C1GALT1: variants seen among roughly 807,000 people sequenced by gnomAD.
The protein encoded by C1GALT1 is core 1 synthase, glycoprotein-N-acetylgalactosamine 3-beta-galactosyltransferase 1.
A neutral mutation model predicts 31.0 loss-of-function variants in C1GALT1; 11 were observed. The observed-to-expected ratio is 0.36, with a 90% CI of 0.22 to 0.59. C1GALT1 has a LOEUF of 0.59. Among genes scored for constraint, C1GALT1 ranks in the 20% least tolerant of loss-of-function variants. The pLI, the probability that C1GALT1 is intolerant of heterozygous loss-of-function variation, is 0.79. For missense variants in C1GALT1, 424 were observed against 425.2 expected (o/e 1.00, Z 0.03); for synonymous variants, 175 against 143.6 (o/e 1.22, Z -1.56).
chr7:7,227,207 A>G (rs1782805378), intron 1 of C1GALT1, among the ~76,000 whole-genome samples: 1 of 152,216 alleles, frequency 6.6e-6, no homozygotes, highest in African/African-American at 2.4e-5. Context: ...CGAGATGACT[A>G]ATATAATTCC....
At position 7,243,750 on chromosome 7, in the gene C1GALT1, G is replaced by A; in HGVS notation, c.*23G>A. Reference sequence around the variant, plus strand: ...TGAAAGAAAATCATGAATGAACAAAGGTAATATGTCTAGCACTGCACTGAA... The same window carrying A: ...TGAAAGAAAATCATGAATGAACAAAAGTAATATGTCTAGCACTGCACTGAA... On this transcript the variant is annotated 3_prime_UTR_variant, in exon 4 of 4. Transcript: ENST00000436587. 6.5e-7 allele frequency: 1 copy of A among 1,541,110 alleles called. No homozygotes were observed. The highest frequency in any genetic ancestry group is 1.2e-5 in the South Asian group (1 of 85,188).
In C1GALT1 at chr7:7,245,701, T is replaced by C. The variant is rs549687673; in HGVS notation, c.*1974T>C. On this transcript the variant is annotated 3_prime_UTR_variant, in exon 4 of 4. Coordinates refer to ENST00000436587, the MANE Select transcript of C1GALT1 (RefSeq NM_020156.5). ...TCTTCACCATGGTGTGGACATGAAT[T>C]TTCATATGTGTTACTTGACTAGAAG... is the stretch of plus-strand genomic sequence containing the variant. The C allele has an allele frequency of 6.6e-6, 1 of 152,220 alleles. No homozygotes were observed. The highest frequency in any genetic ancestry group is 1.5e-5 in the Non-Finnish European group (1 of 68,028). 9.4% of individuals were successfully genotyped at this position (152,220 alleles called of 1,614,324 possible). A position where few individuals can be genotyped will look rare whatever the true frequency, so the allele number is the denominator to read the frequency against.
intron 1 of C1GALT1, among the ~76,000 whole-genome samples, chr7:7,213,217 G>A (rs1396848866): frequency 2.0e-5 from 3 of 152,074 alleles, no homozygotes; most frequent in African/African-American, 7.2e-5. Flanking sequence ...CCTTAATATA[G>A]CTTGATTATA....
rs143179946 is a variant in C1GALT1, at chr7:7,248,490, C to G, written c.*4763C>G. On this transcript the variant is annotated 3_prime_UTR_variant, in exon 4 of 4. Coordinates refer to ENST00000436587, the MANE Select transcript of C1GALT1 (RefSeq NM_020156.5). ...CGAATGGTTTAAAAATGTCTGGTGA[C>G]TTGCTTATTTTTAAGTGATCACCAT... is the stretch of plus-strand genomic sequence containing the variant. The G allele has an allele frequency of 3.1e-3, 464 of 152,014 alleles. 5 individuals carry two copies. Among genetic ancestry groups the G allele is most frequent in the African/African-American group, 0.011 (439 of 41,534 alleles). 9.4% of individuals were successfully genotyped at this position (152,014 alleles called of 1,614,324 possible).
chr7:7,188,476 A>G (rs1471518809), intron 1 of C1GALT1, among the ~76,000 whole-genome samples: 1 of 152,124 alleles, frequency 6.6e-6, no homozygotes, highest in Non-Finnish European at 1.5e-5. Flanking sequence ...GTGGACTTTA[A>G]TTTTTATCAT....
intron 1 of C1GALT1, among the ~76,000 whole-genome samples, chr7:7,197,853 G>A (rs576571151): frequency 1.8e-4 from 28 of 152,294 alleles, no homozygotes; most frequent in African/African-American, 6.3e-4. Context: ...TGTTATTGGT[G>A]TATAGGAATG....
chr7:7,199,551 G>C (rs1781445432), intron 1 of C1GALT1, among the ~76,000 whole-genome samples: 1 of 152,140 alleles, frequency 6.6e-6, no homozygotes, highest in Admixed American at 6.5e-5. Flanking sequence ...ATGTCTATTA[G>C]GTCTGCTTGG....
At chr7:7,158,470 C>T (rs1780297755) in intron 2 of C1GALT1, among the ~76,000 whole-genome samples, 1 of 152,064 alleles carries the variant, frequency 6.6e-6, no homozygotes. Flanking sequence ...TTTGATCTCT[C>T]TGAGTCTTAA....
chr7:7,170,309 A>T (rs1780440099), intron 2 of C1GALT1, among the ~76,000 whole-genome samples: 1 of 151,334 alleles, frequency 6.6e-6, no homozygotes. Flanking sequence ...CTTTCCTTCC[A>T]TTGTCTAGTT....
intron 3 of C1GALT1, among the ~76,000 whole-genome samples, chr7:7,241,953 A>G (rs1783647407): frequency 6.6e-6 from 1 of 152,058 alleles, no homozygotes; most frequent in Non-Finnish European, 1.5e-5. Flanking sequence ...ATTTTACAGA[A>G]TATAAAAATT....
chr7:7,217,681 A>T (rs1488720007), intron 1 of C1GALT1, among the ~76,000 whole-genome samples: 1 of 152,118 alleles, frequency 6.6e-6, no homozygotes, highest in African/African-American at 2.4e-5. Flanking sequence ...GTTTTTATGT[A>T]TTTCCTTAAA....
rs1689360949 is a variant in C1GALT1, at chr7:7,245,567, C to T, written c.*1840C>T. 1 of 152,198 alleles carries T rather than the reference C, an allele frequency of 6.6e-6. No individual in the cohort carries two copies. The highest frequency in any genetic ancestry group is 6.5e-5 in the Admixed American group (1 of 15,272). 9.4% of individuals were successfully genotyped at this position (152,198 alleles called of 1,614,324 possible). A position where few individuals can be genotyped will look rare whatever the true frequency, so the allele number is the denominator to read the frequency against. ...AGAGGATGTTCATTTCATTGGTTAA[C>T]CATGGACTACTCTGTCCACGTAGTG... On this transcript the variant is annotated 3_prime_UTR_variant, in exon 4 of 4. Coordinates refer to ENST00000436587, the MANE Select transcript of C1GALT1 (RefSeq NM_020156.5).
intron 1 of C1GALT1, among the ~76,000 whole-genome samples, chr7:7,219,130 G>A (rs963424211): frequency 8.5e-5 from 13 of 152,242 alleles, no homozygotes; most frequent in South Asian, 6.2e-4. Flanking sequence ...GAGCCACTGC[G>A]CCTGGCATGG....
Position 7,195,593 on chromosome 7 carries a change from G to A in C1GALT1, c.-18+12773G>A, listed in dbSNP as rs183302522. On this transcript the variant is annotated intron_variant, in intron 1 of 3. Coordinates refer to ENST00000436587, the MANE Select transcript of C1GALT1 (RefSeq NM_020156.5). ...GTTGAGACTTGTTTTGTGTCCTGTC[G>A]TGGTCTGTTTTGGAGAAGGATCCAT... Among the ~76,000 whole-genome samples the A allele has an allele frequency of 1.1e-4, 17 of 152,100 alleles. No homozygotes were observed. The East Asian group carries it at 2.5e-3, about 22-fold the overall frequency.
chr7:7,199,808 C>T (rs1781458949), intron 1 of C1GALT1, among the ~76,000 whole-genome samples: 1 of 152,130 alleles, frequency 6.6e-6, no homozygotes, highest in Non-Finnish European at 1.5e-5. Flanking sequence ...CCTTCTTTGT[C>T]TCTTTTGATC....
chr7:7,198,280 A>T (rs971283199), intron 1 of C1GALT1, among the ~76,000 whole-genome samples: 3 of 152,192 alleles, frequency 2.0e-5, no homozygotes, highest in Non-Finnish European at 2.9e-5. Context: ...TTCTGCATCT[A>T]TTGAGATAAT....
chr7:7,240,944 T>C (rs1157906560), intron 3 of C1GALT1, among the ~76,000 whole-genome samples: 7 of 152,180 alleles, frequency 4.6e-5, no homozygotes, highest in Non-Finnish European at 5.9e-5. Flanking sequence ...GTAAAAGATA[T>C]TCTAATTCAT....
At chr7:7,228,182 A>G (rs577063007) in intron 1 of C1GALT1, among the ~76,000 whole-genome samples, 125 of 142,362 alleles carry the variant, frequency 8.8e-4, no homozygotes, top group African/African-American at 3.7e-3. Flanking sequence ...ATCACAAAAT[A>G]TTAATAATTG....
intron 1 of C1GALT1, among the ~76,000 whole-genome samples, chr7:7,190,193 G>A (rs1291877957): frequency 2.6e-5 from 4 of 152,110 alleles, no homozygotes; most frequent in Admixed American, 1.3e-4. Context: ...GTGGAGTTTG[G>A]ATAAAGTTTA....
Sources: gnomAD v4.1 joint callset for allele counts (sites outside exome capture counted in the v4.1 genomes callset) on GRCh38, gnomAD v4.1.1 for gene constraint, MANE v1.5 for transcripts, NCBI Gene and HGNC (gene_info 2026-07-23, HGNC 2026-07-21) for gene names.